KAZN: variants seen among roughly 807,000 people sequenced by gnomAD.
KAZN encodes the protein kazrin, periplakin interacting protein.
Under a neutral mutation model 87.4 loss-of-function variants are expected in KAZN, and 40 were observed. The ratio of observed to expected loss-of-function variants is 0.46; its 90% CI spans 0.36 to 0.60. The LOEUF is 0.60. KAZN is among the 20% of genes least tolerant of loss of function. The probability of loss-of-function intolerance (pLI) is 0.00; values close to 1 mark genes in which losing one functional copy is unlikely to be tolerated. For synonymous variants in KAZN, 466 were observed against 458.3 expected (o/e 1.02, Z -0.22); for missense variants, 898 against 1,073.9 (o/e 0.84, Z 2.29).
At chr1:14,358,077 A>G (rs1659187615) in intron 2 of KAZN, among the ~76,000 whole-genome samples, 2 of 152,054 alleles carry the variant, frequency 1.3e-5, no homozygotes, top group Admixed American at 6.6e-5. Context: ...TTGGTAGGCT[A>G]TTACTGCCTC....
chr1:14,164,044 C>G (rs150710726), intron 1 of KAZN, among the ~76,000 whole-genome samples: 1 of 152,302 alleles, frequency 6.6e-6, no homozygotes, highest in African/African-American at 2.4e-5. Flanking sequence ...TGAAAAGCCA[C>G]CCAAATTTTT....
intron 2 of KAZN, among the ~76,000 whole-genome samples, chr1:14,988,842 C>T (rs928669424): frequency 3.3e-5 from 5 of 152,344 alleles, no homozygotes; most frequent in East Asian, 3.9e-4. Context: ...CTGCAGGCCA[C>T]GGCCCTCCGG....
intron 1 of KAZN, among the ~76,000 whole-genome samples, chr1:14,175,428 C>T (rs1378183758): frequency 6.6e-6 from 1 of 152,184 alleles, no homozygotes; most frequent in African/African-American, 2.4e-5. Flanking sequence ...AAGCAGTTGC[C>T]ATACAATGTG....
chr1:14,071,571 A>G (rs942823941), intron 1 of KAZN, among the ~76,000 whole-genome samples: 9 of 152,298 alleles, frequency 5.9e-5, no homozygotes, highest in African/African-American at 2.2e-4. Context: ...GGAACTCAGC[A>G]TCCTGTCAGC....
At chr1:15,019,127 TC>T (rs1313692581) in intron 2 of KAZN, among the ~76,000 whole-genome samples, 1 of 152,144 alleles carries the variant, frequency 6.6e-6, no homozygotes, top group African/African-American at 2.4e-5. Context: ...CTCCACACCT[TC>T]CAGGGACAAC....
At chr1:14,523,008 G>C (rs894194021) in intron 2 of KAZN, among the ~76,000 whole-genome samples, 15 of 152,116 alleles carry the variant, frequency 9.9e-5, no homozygotes, top group Non-Finnish European at 2.2e-4. Context: ...CAACTCCCCA[G>C]CATGTACGAG....
intron 1 of KAZN, among the ~76,000 whole-genome samples, chr1:14,775,920 G>A (rs1162508528): frequency 6.6e-6 from 1 of 152,204 alleles, no homozygotes; most frequent in African/African-American, 2.4e-5. Context: ...CGACACCCAG[G>A]TCTCTTCCAC....
At chr1:13,915,547 C>G (rs1221983120) in intron 1 of KAZN, among the ~76,000 whole-genome samples, 1 of 152,206 alleles carries the variant, frequency 6.6e-6, no homozygotes, top group Non-Finnish European at 1.5e-5. Context: ...TTTCCTCCTC[C>G]TTCTCTGTCC....
intron 1 of KAZN, among the ~76,000 whole-genome samples, chr1:13,972,967 C>G (rs537118762): frequency 1.3e-5 from 2 of 152,294 alleles, no homozygotes; most frequent in South Asian, 4.1e-4. Context: ...TATTGTCTAT[C>G]ACATGCCAGG....
rs577200537 is a variant in KAZN, at chr1:13,954,844, A to G, written c.91+61088A>G. 1.5e-3 allele frequency among the ~76,000 whole-genome samples: 234 copies of G among 151,904 alleles called. 1 individual carries two copies. The highest frequency in any genetic ancestry group is 5.4e-3 in the African/African-American group (223 of 41,402). ...TTTTTCTTTTTTTACTTTCTTTCCC[A>G]CTATTTTAAATTGTCAGCATTAGTT... On this transcript the variant is annotated intron_variant, in intron 1 of 16. Coordinates refer to the KAZN transcript ENST00000636203.
chr1:14,588,518 A>T (rs1675991362), intron 2 of KAZN, among the ~76,000 whole-genome samples: 1 of 152,230 alleles, frequency 6.6e-6, no homozygotes, highest in South Asian at 2.1e-4. Context: ...TAGCTTCCGA[A>T]GGGAACTTAC....
intron 1 of KAZN, among the ~76,000 whole-genome samples, chr1:14,162,077 C>T (rs1199956451): frequency 6.6e-6 from 1 of 152,192 alleles, no homozygotes; most frequent in East Asian, 1.9e-4. Context: ...AATTAGGACT[C>T]AAGGATCAAG....
chr1:14,379,277 G>A (rs540473488), intron 2 of KAZN, among the ~76,000 whole-genome samples: 144 of 151,978 alleles, frequency 9.5e-4, no homozygotes, highest in Admixed American at 1.4e-3. Flanking sequence ...GAGACTCTGA[G>A]GCTTGCTGGC....
intron 1 of KAZN, among the ~76,000 whole-genome samples, chr1:14,107,711 G>C (rs1049845764): frequency 2.0e-5 from 3 of 152,148 alleles, no homozygotes; most frequent in African/African-American, 7.2e-5. Flanking sequence ...GTGGGCGGAA[G>C]CTCCATTTTA....
chr1:14,714,262 T>A (rs1232321305), intron 1 of KAZN, among the ~76,000 whole-genome samples: 1 of 152,154 alleles, frequency 6.6e-6, no homozygotes, highest in Non-Finnish European at 1.5e-5. Context: ...ACAAATCCCT[T>A]CTCAAGAGGC....
intron 1 of KAZN, among the ~76,000 whole-genome samples, chr1:14,637,005 G>A (rs1680040698): frequency 6.6e-6 from 1 of 152,156 alleles, no homozygotes; most frequent in African/African-American, 2.4e-5. Context: ...GACCTCTGGA[G>A]GGCTGGACAT....
At chr1:14,551,828 A>G (rs766428943) in intron 2 of KAZN, among the ~76,000 whole-genome samples, 31 of 152,156 alleles carry the variant, frequency 2.0e-4, no homozygotes, top group Non-Finnish European at 3.2e-4. Context: ...GGTATAATCC[A>G]CAGGGGAATT....
In KAZN at chr1:14,599,315, G is replaced by T. The variant is rs986891722; in HGVS notation, c.226+92G>T. ...GGGGACCCGGGGTCCCCCACACCCG[G>T]GGCGAAATCGCTTTGCATTCTGGCT... On this transcript the variant is annotated intron_variant, in intron 1 of 14. Transcript: ENST00000376030. This position sits in a 1 kb window ranked among gnomAD's most constrained non-coding sequence, Gnocchi z 4.4. 5.9e-4 allele frequency: 719 copies of T among 1,224,450 alleles called. No individual in the cohort carries two copies. Among genetic ancestry groups the T allele is most frequent in the Admixed American group, 2.2e-3 (50 of 23,026 alleles). 75.8% of individuals were successfully genotyped at this position (1,224,450 alleles called of 1,614,324 possible).
At chr1:14,379,708 T>C (rs948755615) in intron 2 of KAZN, among the ~76,000 whole-genome samples, 3 of 152,166 alleles carry the variant, frequency 2.0e-5, no homozygotes, top group African/African-American at 7.2e-5. Context: ...ATGGTTTGAG[T>C]GCCAGCTCAG....
Sources: gnomAD v4.1 joint callset for allele counts (sites outside exome capture counted in the v4.1 genomes callset) on GRCh38, gnomAD v4.1.1 for gene constraint, Gnocchi (gnomAD v3.1) non-coding constraint, MANE v1.5 for transcripts, NCBI Gene and HGNC (gene_info 2026-07-23, HGNC 2026-07-21) for gene names.